The following PCDHGA11 variants were observed in gnomAD, a reference collection of about 807,000 sequenced individuals.
PCDHGA11 encodes the protein protocadherin gamma-A11.
Under a neutral mutation model 60.4 loss-of-function variants are expected in PCDHGA11, and 39 were observed. The observed-to-expected ratio is 0.65, with a 90% confidence interval of 0.50 to 0.84. PCDHGA11 has a LOEUF of 0.84. Among genes scored for constraint, PCDHGA11 ranks in the 40% least tolerant of loss-of-function variants. The probability of loss-of-function intolerance (pLI) is 0.00; values close to 1 mark genes in which losing one functional copy is unlikely to be tolerated. For synonymous variants in PCDHGA11, 533 were observed against 510.3 expected (o/e 1.04, Z -0.60); for missense variants, 1,165 against 1,197.7 (o/e 0.97, Z 0.40).
rs767400679 is a variant in PCDHGA11, at chr5:141,476,863, C to T, written c.2434-17944C>T. 2.2e-5 allele frequency: 35 copies of T among 1,613,740 alleles called. No individual in the cohort carries two copies. Among genetic ancestry groups the T allele is most frequent in the Non-Finnish European group, 2.8e-5 (33 of 1,180,062 alleles). On this transcript the variant is annotated intron_variant, in intron 1 of 3. Coordinates refer to ENST00000398587, the MANE Select transcript of PCDHGA11 (RefSeq NM_018914.3). The surrounding 1 kb of genome is among the most constrained non-coding windows in gnomAD (Gnocchi z 7.6). ...CGCCTGTCTTCAACCAGTCCTTGTA[C>T]CGGGCGCGCGTCCTGGAGGATGCAC...
intron 1 of PCDHGA11, among the ~76,000 whole-genome samples, chr5:141,492,996 AG>A: frequency 6.6e-6 from 1 of 152,348 alleles, no homozygotes; most frequent in Admixed American, 6.5e-5. Flanking sequence ...GCAGATGGAA[AG>A]CTATAGGCTC....
Position 141,477,114 on chromosome 5 carries a change from G to C in PCDHGA11, c.2434-17693G>C. ...AAAGACAAGGGCGCCAATCCCGAAG[G>C]AGCACATTGCAAAGTGTTGGTGGAG... is the stretch of plus-strand genomic sequence containing the variant. On this transcript the variant is annotated intron_variant, in intron 1 of 3. Coordinates refer to ENST00000398587, the MANE Select transcript of PCDHGA11 (RefSeq NM_018914.3). This position sits in a 1 kb window ranked among gnomAD's most constrained non-coding sequence, Gnocchi z 4.9. 4.3e-6 allele frequency: 7 copies of C among 1,614,234 alleles called. No homozygotes were observed. Among genetic ancestry groups the C allele is most frequent in the Non-Finnish European group, 5.9e-6 (7 of 1,180,046 alleles).
chr5:141,506,444 CAAAAA>C (rs1219684339), intron 3 of PCDHGA11, among the ~76,000 whole-genome samples: 4 of 95,024 alleles, frequency 4.2e-5, no homozygotes, highest in Admixed American at 1.1e-4. Flanking sequence ...CGCTCTGTCT[CAAAAA>C]AAAAAAAAAA....
At chr5:141,502,203 C>G (rs1562205141) in intron 2 of PCDHGA11, among the ~76,000 whole-genome samples, 1 of 152,122 alleles carries the variant, frequency 6.6e-6, no homozygotes. Context: ...ATAGAATCCA[C>G]CAGCAGATTT....
rs374181150 is a variant in PCDHGA11, at chr5:141,477,134, G to C, written c.2434-17673G>C. The C allele has an allele frequency of 2.5e-5, 41 of 1,614,092 alleles. No homozygotes were observed. Among genetic ancestry groups the C allele is most frequent in the Non-Finnish European group, 3.4e-5 (40 of 1,180,056 alleles). ...CGAAGGAGCACATTGCAAAGTGTTG[G>C]TGGAGGTTGTGGATGTGAATGACAA... is the stretch of plus-strand genomic sequence containing the variant. On this transcript the variant is annotated intron_variant, in intron 1 of 3. Coordinates refer to ENST00000398587, the MANE Select transcript of PCDHGA11 (RefSeq NM_018914.3). The surrounding 1 kb of genome is among the most constrained non-coding windows in gnomAD (Gnocchi z 4.9).
chr5:141,504,496 G>C (rs2099838771), intron 2 of PCDHGA11, among the ~76,000 whole-genome samples: 1 of 152,100 alleles, frequency 6.6e-6, no homozygotes, highest in Non-Finnish European at 1.5e-5. Flanking sequence ...CACCTGCCCA[G>C]TCTGAGTGGA....
intron 2 of PCDHGA11, among the ~76,000 whole-genome samples, chr5:141,502,067 CCTTCACCTGGGG>C (rs1307097799): frequency 6.6e-6 from 1 of 152,172 alleles, no homozygotes; most frequent in Non-Finnish European, 1.5e-5. Flanking sequence ...CCATTAGCCC[CCTTCACCTGGGG>C]CTGAGAACAC....
At position 141,431,790 on chromosome 5, in the gene PCDHGA11, C is replaced by G; in HGVS notation, c.2433+8130C>G. ...ACTGTTCTGGACGTGAACGACAATG[C>G]CCCAGAAGTGGTCCTCACCTCTCTC... On this transcript the variant is annotated intron_variant, in intron 1 of 3. Coordinates refer to ENST00000398587, the MANE Select transcript of PCDHGA11 (RefSeq NM_018914.3). The surrounding 1 kb of genome is among the most constrained non-coding windows in gnomAD (Gnocchi z 4.8). 1 of 1,614,186 alleles carries G rather than the reference C, an allele frequency of 6.2e-7. No homozygotes were observed. Among genetic ancestry groups the G allele is most frequent in the Non-Finnish European group, 8.5e-7 (1 of 1,180,016 alleles).
At chr5:141,470,508 G>A (rs947583701) in intron 1 of PCDHGA11, among the ~76,000 whole-genome samples, 10 of 152,176 alleles carry the variant, frequency 6.6e-5, no homozygotes, top group African/African-American at 2.4e-4. Flanking sequence ...TAATTAGACA[G>A]TTAGCTAATA....
chr5:141,450,006 C>CT lies in PCDHGA11; in HGVS notation c.2433+26364dup, dbSNP rs1554136305. ...CACATTGCATTTAGTTGCCATGTCT[C>CT]TTTTTTTTTTTTTTTTTTGAGACAG... On this transcript the variant is annotated intron_variant, in intron 1 of 3. Coordinates refer to ENST00000398587, the MANE Select transcript of PCDHGA11 (RefSeq NM_018914.3). Among the ~76,000 whole-genome samples the CT allele has an allele frequency of 9.8e-3, 1,304 of 132,922 alleles. 21 individuals are homozygous for CT. Among genetic ancestry groups the CT allele is most frequent in the Non-Finnish European group, 0.015 (957 of 62,878 alleles). 87.2% of individuals were successfully genotyped at this position (132,922 alleles called of 152,430 possible).
intron 1 of PCDHGA11, among the ~76,000 whole-genome samples, chr5:141,425,769 A>C (rs1355689852): frequency 6.6e-6 from 1 of 152,256 alleles, no homozygotes; most frequent in Non-Finnish European, 1.5e-5. Flanking sequence ...ACAGGAGAGA[A>C]GACTTTGCCT....
intron 1 of PCDHGA11, chr5:141,430,857 A>T: frequency 6.3e-7 from 1 of 1,591,434 alleles, no homozygotes; most frequent in Non-Finnish European, 8.5e-7. Flanking sequence ...CAGATACGCT[A>T]TTCAGTTCCG....
chr5:141,477,765 A>C lies in PCDHGA11; in HGVS notation c.2434-17042A>C, dbSNP rs752391870. The C allele has an allele frequency of 6.2e-7, 1 of 1,614,026 alleles. No individual in the cohort carries two copies. Among genetic ancestry groups the C allele is most frequent in the Non-Finnish European group, 8.5e-7 (1 of 1,180,036 alleles). Reference sequence around the variant, plus strand: ...GGGGGCACCCCGGTCCTAGCCACCAACATCAGCGTGAACATATTTGTCACT... The same window carrying C: ...GGGGGCACCCCGGTCCTAGCCACCACCATCAGCGTGAACATATTTGTCACT... On this transcript the variant is annotated intron_variant, in intron 1 of 3. Coordinates refer to ENST00000398587, the MANE Select transcript of PCDHGA11 (RefSeq NM_018914.3). The surrounding 1 kb of genome is among the most constrained non-coding windows in gnomAD (Gnocchi z 4.9).
rs1267722283 is a variant in PCDHGA11 at position 141,493,105 on chromosome 5, G to A, written c.2434-1702G>A. Reference sequence around the variant, plus strand: ...GAGCTTTTATTCAAAATATATCAATGCCTAACTCTGCTCCTAGGACTGTAT... The same window carrying A: ...GAGCTTTTATTCAAAATATATCAATACCTAACTCTGCTCCTAGGACTGTAT... On this transcript the variant is annotated intron_variant, in intron 1 of 3. Coordinates refer to ENST00000398587, the MANE Select transcript of PCDHGA11 (RefSeq NM_018914.3). This position sits in a 1 kb window ranked among gnomAD's most constrained non-coding sequence, Gnocchi z 4.3. Among the ~76,000 whole-genome samples, 1 of 152,076 alleles carries A rather than the reference G, an allele frequency of 6.6e-6. No homozygotes were observed. Among genetic ancestry groups the A allele is most frequent in the Non-Finnish European group, 1.5e-5 (1 of 67,994 alleles).
chr5:141,473,349 T>G (rs2099319716), intron 1 of PCDHGA11, among the ~76,000 whole-genome samples: 1 of 152,232 alleles, frequency 6.6e-6, no homozygotes, highest in Non-Finnish European at 1.5e-5. Context: ...ACAGTGAGGA[T>G]GCAAGTGGCC....
At chr5:141,482,074 A>G (rs1349748840) in intron 1 of PCDHGA11, among the ~76,000 whole-genome samples, 2 of 142,830 alleles carry the variant, frequency 1.4e-5, no homozygotes, top group Non-Finnish European at 3.0e-5. Context: ...AACAAGAACA[A>G]AACTCACTCC....
At position 141,423,009 on chromosome 5, in the gene PCDHGA11, G is replaced by A. The variant is rs371209178; in HGVS notation, c.1782G>A (p.Ala594=). 28 of 1,614,222 alleles carry A rather than the reference G, an allele frequency of 1.7e-5. No individual in the cohort carries two copies. The East Asian group carries it at 4.9e-4, about 28-fold the overall frequency. The change falls in exon 1 of 4, where the codon GCG becomes GCA. Residue 594 remains alanine (A), a synonymous_variant. Transcript: ENST00000398587. ...EPGYLVTKVV[A]VDKDSGQNAW... ...GCTACCTGGTGACCAAGGTGGTTGC[G>A]GTGGACAAAGATTCAGGCCAGAACG...
intron 1 of PCDHGA11, among the ~76,000 whole-genome samples, chr5:141,446,739 T>A (rs1292920572): frequency 2.6e-5 from 4 of 152,180 alleles, no homozygotes; most frequent in African/African-American, 7.2e-5. Flanking sequence ...AGTGTGGGGA[T>A]TACAGGCGTG....
chr5:141,510,221 C>T lies in PCDHGA11; in HGVS notation c.2582-726C>T, dbSNP rs891359580. On this transcript the variant is annotated intron_variant, in intron 3 of 3. Transcript: ENST00000398587. The stretch of plus-strand genomic sequence containing the variant: ...CCAGGAGGCAGAGGTTGCAGTGAGC[C>T]GGGATCGCGCCACTGCACTCCAGGC... Among the ~76,000 whole-genome samples, 12 of 150,616 alleles carry T rather than the reference C, an allele frequency of 8.0e-5. No homozygotes were observed. In the East Asian group the frequency reaches 1.2e-3, roughly 15 times the overall value.
Sources: gnomAD v4.1 joint callset for allele counts (sites outside exome capture counted in the v4.1 genomes callset) on GRCh38, gnomAD v4.1.1 for gene constraint, Gnocchi (gnomAD v3.1) non-coding constraint, MANE v1.5 for transcripts, NCBI Gene and HGNC (gene_info 2026-07-23, HGNC 2026-07-21) for gene names.